Variants in HENMT1 observed in about 807,000 individuals in gnomAD.
HENMT1 encodes the protein HEN methyltransferase 1.
A neutral mutation model predicts 31.1 loss-of-function variants in HENMT1; 27 were observed. That is an observed-to-expected ratio of 0.87 (90% CI 0.64 to 1.20). HENMT1 has a LOEUF of 1.20. Among genes scored for constraint, HENMT1 ranks in the 50% most tolerant of loss-of-function variants. HENMT1 has a pLI of 0.00. For missense variants in HENMT1, 438 were observed against 469.6 expected (o/e 0.93, Z 0.62); for synonymous variants, 167 against 172.2 (o/e 0.97, Z 0.24).
intron 3 of HENMT1, 104 bp downstream of exon 3, chr1:108,657,347 A>T (rs1658276088): frequency 7.7e-6 from 6 of 774,494 alleles, no homozygotes; most frequent in Non-Finnish European, 1.3e-5. Context: ...CTATTGCAAT[A>T]ACCCCTGTGA....
At chr1:108,651,998 G>C (rs1658072244) in intron 5 of HENMT1, among the ~76,000 whole-genome samples, 1 of 152,178 alleles carries the variant, frequency 6.6e-6, no homozygotes, top group South Asian at 2.1e-4. Context: ...TGATAATGAG[G>C]AGACACTCAG....
At chr1:108,655,502 A>C (rs1658203949) in intron 4 of HENMT1, 84 bp downstream of exon 4, 1 of 766,032 alleles carries the variant, frequency 1.3e-6, no homozygotes. Context: ...TTTTAAAACA[A>C]ATATAAAATC....
At position 108,655,111 on chromosome 1, in the gene HENMT1, C is replaced by T. The variant is rs560774476; in HGVS notation, c.264-261G>A. Reference sequence around the variant, plus strand: ...TTCATTTGTAATACTTTTGGTTTTCCAGCTTACTTTGATTCAGTGATTTTG... The same window carrying T: ...TTCATTTGTAATACTTTTGGTTTTCTAGCTTACTTTGATTCAGTGATTTTG... On this transcript the variant is annotated intron_variant, in intron 4 of 7. Transcript: ENST00000651461. 2.0e-5 allele frequency among the ~76,000 whole-genome samples: 3 copies of T among 152,138 alleles called. No homozygotes were observed. The South Asian group carries it at 6.2e-4, about 32-fold the overall frequency.
intron 2 of HENMT1, 124 bp downstream of exon 2, chr1:108,659,740 C>T (rs1658384645): frequency 3.2e-6 from 2 of 627,614 alleles, no homozygotes; most frequent in Non-Finnish European, 5.7e-6. Flanking sequence ...CCTTGTTTAC[C>T]TCAACCAACA....
chr1:108,650,314 T>G lies in HENMT1; in HGVS notation c.653A>C (p.Glu218Ala), dbSNP rs753150751. ...TATCTGGGTACAGTATCCAACATTC[T>G]CAGCTCCAGCTGGTGGTTCCCCGAC... Reference protein sequence around the residue: ...TGVGEPPAGAENVGYCTQIGI... With the variant: ...TGVGEPPAGAANVGYCTQIGI... Residue 218 changes from glutamate to alanine, a missense_variant, in exon 7 of 8, where the codon GAG becomes GCG. Physicochemically the swap from Glu to Ala is moderately radical, Grantham distance 107 (BLOSUM62 -1). Coordinates refer to ENST00000651461, the MANE Select transcript of HENMT1 (RefSeq NM_001102592.2). 1.4e-5 allele frequency: 23 copies of G among 1,614,144 alleles called. No individual in the cohort carries two copies. The highest frequency in any genetic ancestry group is 1.9e-5 in the Non-Finnish European group (23 of 1,179,988).
At chr1:108,652,947 T>C (rs1407936831) in intron 5 of HENMT1, among the ~76,000 whole-genome samples, 2 of 151,908 alleles carry the variant, frequency 1.3e-5, no homozygotes, top group Non-Finnish European at 2.9e-5. Context: ...GCCTGACTTA[T>C]TTCACTTAAT....
chr1:108,655,850 C>CAT (rs1658221883), intron 3 of HENMT1, 152 bp from the exon 4 acceptor site: 1 of 81,150 alleles, frequency 1.2e-5, no homozygotes, highest in Non-Finnish European at 2.1e-5. Flanking sequence ...GAAGATGCTA[C>CAT]ACACACACAC....
In HENMT1 at chr1:108,657,431, T is replaced by G. The variant is rs770740383; in HGVS notation, c.150+20A>C. 1.9e-6 allele frequency: 3 copies of G among 1,571,254 alleles called. No homozygotes were observed. Among genetic ancestry groups the G allele is most frequent in the African/African-American group, 2.7e-5 (2 of 73,706 alleles). The stretch of plus-strand genomic sequence containing the variant: ...TCTACTAGTCTTAATAATTAAATGT[T>G]TGGAAAGAGAAATACCTACCTTCTT... On this transcript the variant is annotated intron_variant, in intron 3 of 7. Coordinates refer to ENST00000651461, the MANE Select transcript of HENMT1 (RefSeq NM_001102592.2).
At chr1:108,649,039 T>TA in intron 7 of HENMT1, 48 bp from the exon 8 acceptor site, 1 of 1,439,254 alleles carries the variant, frequency 6.9e-7, no homozygotes, top group South Asian at 1.4e-5. Flanking sequence ...AATATAAACA[T>TA]ACATAAATTT....
chr1:108,656,945 G>A (rs1206822690), intron 3 of HENMT1, among the ~76,000 whole-genome samples: 1 of 152,032 alleles, frequency 6.6e-6, no homozygotes, highest in South Asian at 2.1e-4. Context: ...CTGTGTTTCT[G>A]GCATCTGCTA....
At chr1:108,650,627 G>C (rs938391228) in intron 6 of HENMT1, among the ~76,000 whole-genome samples, 1 of 152,164 alleles carries the variant, frequency 6.6e-6, no homozygotes, top group African/African-American at 2.4e-5. Flanking sequence ...TTATGGGCAG[G>C]GTGTAGGGGT....
intron 7 of HENMT1, among the ~76,000 whole-genome samples, chr1:108,649,685 C>CT (rs1186741617): frequency 6.6e-6 from 1 of 152,130 alleles, no homozygotes; most frequent in Non-Finnish European, 1.5e-5. Flanking sequence ...CCAAAAGGGT[C>CT]TGAGAAGTTT....
At position 108,648,466 on chromosome 1, in the gene HENMT1, T is replaced by G; in HGVS notation, c.*100A>C. 9.5e-7 allele frequency: 1 copy of G among 1,050,204 alleles called. No individual in the cohort carries two copies. Among genetic ancestry groups the G allele is most frequent in the Non-Finnish European group, 1.4e-6 (1 of 735,028 alleles). 65.1% of individuals were successfully genotyped at this position (1,050,204 alleles called of 1,614,324 possible). ...GGAACATAGACTTTTGCAGTGAAACTTTAAAAACATTACTTGAATTAGGAT... is the reference window on the plus strand; with the variant it reads ...GGAACATAGACTTTTGCAGTGAAACGTTAAAAACATTACTTGAATTAGGAT... On this transcript the variant is annotated 3_prime_UTR_variant, in exon 8 of 8. Transcript: ENST00000651461.
At chr1:108,656,449 A>G (rs1557741123) in intron 3 of HENMT1, among the ~76,000 whole-genome samples, 1 of 152,192 alleles carries the variant, frequency 6.6e-6, no homozygotes, top group Non-Finnish European at 1.5e-5. Context: ...ATATGCAATT[A>G]TGACTTTACT....
chr1:108,656,876 A>T (rs1403035136), intron 3 of HENMT1, among the ~76,000 whole-genome samples: 3 of 152,196 alleles, frequency 2.0e-5, no homozygotes, highest in Admixed American at 6.5e-5. Flanking sequence ...ACATCCAACT[A>T]TAAAATCTTA....
At chr1:108,655,544 G>A in intron 4 of HENMT1, 42 bp downstream of exon 4, 1 of 1,169,052 alleles carries the variant, frequency 8.6e-7, no homozygotes. Context: ...AATGCCATTA[G>A]TTTTAGATTA....
intron 2 of HENMT1, among the ~76,000 whole-genome samples, chr1:108,659,044 AAT>A (rs1338881187): frequency 6.6e-6 from 1 of 152,210 alleles, no homozygotes. Flanking sequence ...ACATAAAATC[AAT>A]ATAAGAGATT....
chr1:108,649,252 T>A (rs1441752776), intron 7 of HENMT1: 1 of 589,110 alleles, frequency 1.7e-6, no homozygotes, highest in African/African-American at 1.8e-5. Context: ...ACCCAGTATT[T>A]CTACTTGATA....
intron 2 of HENMT1, among the ~76,000 whole-genome samples, chr1:108,658,009 A>G (rs970292293): frequency 1.3e-5 from 2 of 149,416 alleles, no homozygotes; most frequent in African/African-American, 4.9e-5. Flanking sequence ...ACACACACAC[A>G]TATATGTACA....
Sources: gnomAD v4.1 joint callset for allele counts (sites outside exome capture counted in the v4.1 genomes callset) on GRCh38, gnomAD v4.1.1 for gene constraint, MANE v1.5 for transcripts, NCBI Gene and HGNC (gene_info 2026-07-23, HGNC 2026-07-21) for gene names.